ZNF195: variants seen among roughly 807,000 people sequenced by gnomAD.
ZNF195 encodes the protein hypoxia-regulated factor-1.
In ZNF195, 11 loss-of-function variants were observed where a neutral mutation model predicts 19.5. That is an observed-to-expected ratio of 0.57 (90% CI 0.36 to 0.94). The LOEUF is 0.94. Among genes scored for constraint, ZNF195 ranks in the 40% least tolerant of loss-of-function variants. The pLI, the probability that ZNF195 is intolerant of heterozygous loss-of-function variation, is 0.01. For missense variants in ZNF195, 582 were observed against 709.0 expected (o/e 0.82, Z 2.03); for synonymous variants, 214 against 248.1 (o/e 0.86, Z 1.29).
In ZNF195 at chr11:3,360,506, G is replaced by A; in HGVS notation, c.502C>T (p.Pro168Ser). ...CCATATCCTCTCAGTATTCTTTTTGGGAATGCATCTTGTATGCCCTGCTCT... is the reference window on the plus strand; with the variant it reads ...CCATATCCTCTCAGTATTCTTTTTGAGAATGCATCTTGTATGCCCTGCTCT... ...LPEQGIQDAFPKRILRGYGNC... is the reference protein window; with the variant it reads ...LPEQGIQDAFSKRILRGYGNC... Residue 168 changes from proline (P) to serine (S), a missense_variant, in exon 6 of 6, where the codon CCA becomes TCA. By Grantham distance (74) the Pro-to-Ser change is moderately conservative. Around this residue, in one of 3 missense-constraint regions of ZNF195, gnomAD observed 129 missense variants for 112.1 expected, o/e 1.15. Transcript: ENST00000399602. 6.2e-7 allele frequency: 1 copy of A among 1,606,526 alleles called. No individual in the cohort carries two copies. Among genetic ancestry groups the A allele is most frequent in the East Asian group, 2.2e-5 (1 of 44,784 alleles).
chr11:3,360,534 CAGA>C lies in ZNF195; in HGVS notation c.471_473del (p.Leu158del), dbSNP rs774128746. The stretch of plus-strand genomic sequence containing the variant: ...ATGCATCTTGTATGCCCTGCTCTGG[CAGA>C]AGGTCTTGGGTAAAATGAGAAGACA... On this transcript the variant is annotated inframe_deletion, in exon 6 of 6. Transcript: ENST00000399602. The C allele has an allele frequency of 1.3e-6, 2 of 1,575,140 alleles. No individual in the cohort carries two copies. Among genetic ancestry groups the C allele is most frequent in the South Asian group, 1.2e-5 (1 of 86,192 alleles).
At chr11:3,369,385 T>TAA in intron 3 of ZNF195, 1 of 374,348 alleles carries the variant, frequency 2.7e-6, no homozygotes, top group South Asian at 2.0e-5. Flanking sequence ...CACTTCTGTG[T>TAA]ATATAATAAC....
At chr11:3,376,799 A>T (rs1056902083) in intron 1 of ZNF195, among the ~76,000 whole-genome samples, 6 of 152,282 alleles carry the variant, frequency 3.9e-5, no homozygotes, top group African/African-American at 1.4e-4. Context: ...CATTAAGCTC[A>T]GACATCTAGA....
intron 1 of ZNF195, among the ~76,000 whole-genome samples, chr11:3,376,224 C>T (rs915043418): frequency 2.6e-5 from 4 of 151,922 alleles, no homozygotes; most frequent in East Asian, 3.9e-4. Flanking sequence ...CAGTCTGGCG[C>T]ACCCGCAGGG....
In ZNF195 at chr11:3,359,857, C is replaced by T; in HGVS notation, c.1151G>A (p.Cys384Tyr). ...MILAGEKLSK[C>Y]ETWYKGFNHS... ...GTTAAAACCTTTGTACCATGTTTCA[C>T]ATTTGGAGAGCTTCTCTCCAGCAAG... Residue 384 changes from cysteine (C) to tyrosine (Y), a missense_variant, in exon 6 of 6, where the codon TGT (cysteine) becomes TAT (tyrosine). Physicochemically the swap from Cys to Tyr is radical, Grantham distance 194 (BLOSUM62 -2). Coordinates refer to ENST00000399602, the MANE Select transcript of ZNF195 (RefSeq NM_001130520.3). This position sits in a 1 kb window ranked among gnomAD's most constrained non-coding sequence, Gnocchi z 5.5. The T allele has an allele frequency of 6.2e-7, 1 of 1,614,122 alleles. No individual in the cohort carries two copies. Among genetic ancestry groups the T allele is most frequent in the South Asian group, 1.1e-5 (1 of 91,086 alleles).
At chr11:3,376,974 T>C (rs1849497353) in intron 1 of ZNF195, among the ~76,000 whole-genome samples, 1 of 152,236 alleles carries the variant, frequency 6.6e-6, no homozygotes, top group Admixed American at 6.5e-5. Context: ...TGTTCCCTGG[T>C]AGCATTCCCA....
Position 3,359,510 on chromosome 11 carries a change from C to T in ZNF195, c.1498G>A (p.Gly500Ser). 1 of 1,614,146 alleles carries T rather than the reference C, an allele frequency of 6.2e-7. No homozygotes were observed. The highest frequency in any genetic ancestry group is 8.5e-7 in the Non-Finnish European group (1 of 1,180,028). ...TCTGATAACTGCTTAAAGATGTTGCCACATTCTTCACACGTGTAGGGTTTT... is the reference window on the plus strand; with the variant it reads ...TCTGATAACTGCTTAAAGATGTTGCTACATTCTTCACACGTGTAGGGTTTT... ...EEKPYTCEEC[G>S]NIFKQLSDLT... The change falls in exon 6 of 6, where the codon GGC becomes AGC. Residue 500 changes from glycine (G) to serine (S), a missense_variant. Coordinates refer to ENST00000399602, the MANE Select transcript of ZNF195 (RefSeq NM_001130520.3). The surrounding 1 kb of genome is among the most constrained non-coding windows in gnomAD (Gnocchi z 5.5).
chr11:3,364,729 A>C (rs1393413512), intron 3 of ZNF195, among the ~76,000 whole-genome samples: 1 of 152,250 alleles, frequency 6.6e-6, no homozygotes, highest in Non-Finnish European at 1.5e-5. Context: ...AAAACAAACG[A>C]TGAAGACAGT....
At chr11:3,363,710 A>G (rs1200653559) in intron 3 of ZNF195, among the ~76,000 whole-genome samples, 1 of 152,246 alleles carries the variant, frequency 6.6e-6, no homozygotes, top group African/African-American at 2.4e-5. Context: ...AAAGCACCCA[A>G]CAATTTTCAA....
At position 3,376,485 on chromosome 11, in the gene ZNF195, A is replaced by T. The variant is rs562447149; in HGVS notation, c.3+2553T>A. Among the ~76,000 whole-genome samples, 11 of 152,356 alleles carry T rather than the reference A, an allele frequency of 7.2e-5. No homozygotes were observed. In the South Asian group the frequency reaches 2.1e-3, roughly 29 times the overall value. On this transcript the variant is annotated intron_variant, in intron 1 of 5. Transcript: ENST00000399602. ...GGCCTTCGATTGCTTTCTTTTGCAG[A>T]CTCAGTATTAGCCTTAGCTTGGAAT...
chr11:3,370,703 G>C (rs1849162535), intron 3 of ZNF195, among the ~76,000 whole-genome samples: 1 of 152,228 alleles, frequency 6.6e-6, no homozygotes, highest in Non-Finnish European at 1.5e-5. Flanking sequence ...CACGCCATGA[G>C]ACCACACAGG....
intron 1 of ZNF195, chr11:3,377,996 C>T: frequency 2.1e-6 from 2 of 932,164 alleles, no homozygotes; most frequent in Non-Finnish European, 2.6e-6. Context: ...TGATTACAAA[C>T]AGAAAACAAA....
Position 3,359,111 on chromosome 11 carries a change from T to C in ZNF195, c.*7A>G. ...TTTGCCTATTTTTATATTTGTTTAT[T>C]TTTTTCTCAAGTATGAATGCTTTCA... On this transcript the variant is annotated 3_prime_UTR_variant, in exon 6 of 6. Coordinates refer to ENST00000399602, the MANE Select transcript of ZNF195 (RefSeq NM_001130520.3). This position sits in a 1 kb window ranked among gnomAD's most constrained non-coding sequence, Gnocchi z 5.5. The C allele has an allele frequency of 6.5e-7, 1 of 1,531,554 alleles. No individual in the cohort carries two copies. Among genetic ancestry groups the C allele is most frequent in the Non-Finnish European group, 8.8e-7 (1 of 1,142,354 alleles). 94.9% of individuals were successfully genotyped at this position (1,531,554 alleles called of 1,614,324 possible).
At chr11:3,375,606 A>G (rs1402834906) in intron 1 of ZNF195, 1 of 152,140 alleles carries the variant, frequency 6.6e-6, no homozygotes, top group East Asian at 1.9e-4. Flanking sequence ...AGTTACTGGA[A>G]ATGGAAAAGT....
chr11:3,365,592 T>G (rs72848288), intron 3 of ZNF195, among the ~76,000 whole-genome samples: 1 of 152,372 alleles, frequency 6.6e-6, no homozygotes, highest in Non-Finnish European at 1.5e-5. Context: ...CAATGTAATC[T>G]CTATCAAATT....
intron 4 of ZNF195, among the ~76,000 whole-genome samples, chr11:3,361,229 C>A (rs1002605161): frequency 1.3e-5 from 2 of 152,088 alleles, no homozygotes; most frequent in African/African-American, 4.8e-5. Flanking sequence ...AGAATCTGGG[C>A]CTATTTGTTT....
intron 3 of ZNF195, among the ~76,000 whole-genome samples, chr11:3,365,141 C>A (rs1450510102): frequency 6.6e-6 from 1 of 152,034 alleles, no homozygotes; most frequent in Non-Finnish European, 1.5e-5. Flanking sequence ...CATCAGGGCT[C>A]CCAGATATAT....
At chr11:3,366,853 C>T (rs1484306769) in intron 3 of ZNF195, 2 of 433,510 alleles carry the variant, frequency 4.6e-6, no homozygotes, top group African/African-American at 2.0e-5. Flanking sequence ...TCACTTGAGC[C>T]CAGGAGTCCG....
chr11:3,377,861 G>A (rs1394105036), intron 1 of ZNF195: 27 of 988,818 alleles, frequency 2.7e-5, no homozygotes, highest in Non-Finnish European at 3.2e-5. Flanking sequence ...TTTCCAAAGT[G>A]GAACCTCAAA....
Sources: gnomAD v4.1 joint callset for allele counts (sites outside exome capture counted in the v4.1 genomes callset) on GRCh38, gnomAD v4.1.1 for gene constraint, gnomAD v4.1.1 regional missense constraint, Gnocchi (gnomAD v3.1) non-coding constraint, MANE v1.5 for transcripts, NCBI Gene and HGNC (gene_info 2026-07-23, HGNC 2026-07-21) for gene names.